Variants in REDIC1 observed in about 807,000 individuals in gnomAD.
REDIC1 encodes the protein HEI10 Interacting Protein 1.
At chr12:39,696,572 A>AAT in the REDIC1 span, among the ~76,000 whole-genome samples, 2 of 141,054 alleles carry the variant, frequency 1.4e-5, no homozygotes. Flanking sequence ...AAAAAAAAAA[A>AAT]AAAAAAAATA....
the REDIC1 span, among the ~76,000 whole-genome samples, chr12:39,740,611 A>T: frequency 6.6e-6 from 1 of 152,212 alleles, no homozygotes; most frequent in Non-Finnish European, 1.5e-5. Flanking sequence ...ATTTGTGATG[A>T]AAAATATAAA....
At chr12:39,767,472 G>C in the REDIC1 span, among the ~76,000 whole-genome samples, 1 of 151,990 alleles carries the variant, frequency 6.6e-6, no homozygotes, top group Non-Finnish European at 1.5e-5. Context: ...CGGCAAATGA[G>C]CATTGGCTTC....
the REDIC1 span, among the ~76,000 whole-genome samples, chr12:39,766,977 C>T: frequency 9.2e-5 from 14 of 152,074 alleles, no homozygotes; most frequent in African/African-American, 1.9e-4. Context: ...TGCAAACTTC[C>T]AAACTGTTCA....
the REDIC1 span, chr12:39,716,705 T>C: frequency 1.5e-6 from 2 of 1,330,288 alleles, no homozygotes; most frequent in African/African-American, 3.0e-5. Flanking sequence ...ATATGTATGT[T>C]GTAGATTATT....
chr12:39,894,235 T>C, the REDIC1 span, among the ~76,000 whole-genome samples: 1 of 152,236 alleles, frequency 6.6e-6, no homozygotes, highest in African/African-American at 2.4e-5. Flanking sequence ...GTAAGTAACA[T>C]GACTATCTTA....
At chr12:39,783,653 C>T in the REDIC1 span, among the ~76,000 whole-genome samples, 1 of 152,176 alleles carries the variant, frequency 6.6e-6, no homozygotes, top group Admixed American at 6.5e-5. Context: ...TGTCTGTTGG[C>T]TGCATAAATG....
chr12:39,693,236 G>A, the REDIC1 span, among the ~76,000 whole-genome samples: 1 of 152,008 alleles, frequency 6.6e-6, no homozygotes, highest in Admixed American at 6.6e-5. Flanking sequence ...TCTTTTTACA[G>A]ACAAAGTTTC....
the REDIC1 span, among the ~76,000 whole-genome samples, chr12:39,874,175 C>T: frequency 1.3e-5 from 2 of 152,144 alleles, no homozygotes; most frequent in African/African-American, 4.8e-5. Context: ...TAGGGTTGTG[C>T]CTTGTCATAG....
chr12:39,633,309 G>C, the REDIC1 span, among the ~76,000 whole-genome samples: 1 of 151,764 alleles, frequency 6.6e-6, no homozygotes, highest in Non-Finnish European at 1.5e-5. Flanking sequence ...TATTAATCTA[G>C]GCTCACATGG....
the REDIC1 span, among the ~76,000 whole-genome samples, chr12:39,723,782 A>C: frequency 6.6e-6 from 1 of 152,080 alleles, no homozygotes; most frequent in Non-Finnish European, 1.5e-5. Flanking sequence ...GTGAAACAGT[A>C]CATTTTTTTG....
At chr12:39,636,318 A>G in the REDIC1 span, among the ~76,000 whole-genome samples, 2 of 152,050 alleles carry the variant, frequency 1.3e-5, no homozygotes, top group Admixed American at 1.3e-4. Context: ...TTTCCTTAAT[A>G]CCTTTTTTTG....
chr12:39,817,703 A>G, the REDIC1 span, among the ~76,000 whole-genome samples: 3 of 152,246 alleles, frequency 2.0e-5, no homozygotes, highest in South Asian at 2.1e-4. Context: ...TACTTTATAT[A>G]TATTTTAAAA....
the REDIC1 span, among the ~76,000 whole-genome samples, chr12:39,630,451 G>A: frequency 6.6e-6 from 1 of 152,140 alleles, no homozygotes; most frequent in Non-Finnish European, 1.5e-5. Context: ...GTAAATGTAG[G>A]CCTAGACCTA....
chr12:39,896,264 G>C, the REDIC1 span, among the ~76,000 whole-genome samples: 2 of 139,624 alleles, frequency 1.4e-5, no homozygotes, highest in African/African-American at 5.3e-5. Context: ...ATGTATATGT[G>C]TGTATATATG....
the REDIC1 span, among the ~76,000 whole-genome samples, chr12:39,789,488 A>G: frequency 6.6e-6 from 1 of 152,304 alleles, no homozygotes; most frequent in African/African-American, 2.4e-5. Context: ...ATTACAAATA[A>G]TGCTGCTATG....
At chr12:39,716,793 C>T in the REDIC1 span, 1 of 1,602,224 alleles carries the variant, frequency 6.2e-7, no homozygotes, top group Non-Finnish European at 8.5e-7. Context: ...CTACTAGTTA[C>T]TCTCCAAGAC....
the REDIC1 span, among the ~76,000 whole-genome samples, chr12:39,634,865 A>G: frequency 4.6e-5 from 7 of 152,254 alleles, no homozygotes; most frequent in East Asian, 1.3e-3. Flanking sequence ...CAGAATGGGA[A>G]AAAATTTTTG....
the REDIC1 span, among the ~76,000 whole-genome samples, chr12:39,633,973 C>T: frequency 8.6e-3 from 1,308 of 152,178 alleles, 23 homozygotes; most frequent in African/African-American, 0.029. Context: ...TAAAGAAAGT[C>T]GGCGGTAGCT....
chr12:39,805,514 GT>G, the REDIC1 span, among the ~76,000 whole-genome samples: 115,445 of 149,194 alleles, frequency 0.77, 44,723 homozygotes, highest in Non-Finnish European at 0.8. Flanking sequence ...GCCTCTGTTG[GT>G]TTTTTTTTTT....
Sources: gnomAD v4.1 joint callset for allele counts (sites outside exome capture counted in the v4.1 genomes callset) on GRCh38, gnomAD v4.1.1 for gene constraint, MANE v1.5 for transcripts, NCBI Gene and HGNC (gene_info 2026-07-23, HGNC 2026-07-21) for gene names.